The following CGN variants were observed in gnomAD, a reference collection of about 807,000 sequenced individuals.
CGN encodes the protein cingulin.
In CGN, 121 loss-of-function variants were observed where a neutral mutation model predicts 157.1. The ratio of observed to expected loss-of-function variants is 0.77; its 90% CI spans 0.66 to 0.90. The LOEUF is 0.90. CGN is among the 40% of genes least tolerant of loss of function. CGN has a pLI of 0.00. For missense variants in CGN, 1,424 were observed against 1,520.9 expected (o/e 0.94, Z 1.06); for synonymous variants, 535 against 607.5 (o/e 0.88, Z 1.76).
intron 5 of CGN, among the ~76,000 whole-genome samples, chr1:151,522,830 C>T (rs2102492295): frequency 6.6e-6 from 1 of 151,930 alleles, no homozygotes; most frequent in South Asian, 2.1e-4. Flanking sequence ...ACGAGAATTG[C>T]TTGAACCCGG....
intron 1 of CGN, among the ~76,000 whole-genome samples, chr1:151,513,637 A>C (rs1268909238): frequency 6.6e-6 from 1 of 151,854 alleles, no homozygotes; most frequent in Admixed American, 6.6e-5. Context: ...ACACACCCGA[A>C]ACCACCCCAC....
At chr1:151,537,173 C>T (rs749831098) in intron 20 of CGN, 32 bp from the exon 21 acceptor site, 1 of 1,591,128 alleles carries the variant, frequency 6.3e-7, no homozygotes, top group Non-Finnish European at 8.6e-7. Flanking sequence ...CTATTTTCCC[C>T]TCCCCAACCA....
chr1:151,518,224 A>G (rs1664454310), intron 1 of CGN, among the ~76,000 whole-genome samples: 1 of 152,208 alleles, frequency 6.6e-6, no homozygotes, highest in Admixed American at 6.5e-5. Flanking sequence ...CTTTTAGGTT[A>G]GTGAGTCTCA....
chr1:151,530,817 G>A (rs1664819680), intron 13 of CGN, 71 bp downstream of exon 13: 3 of 1,496,878 alleles, frequency 2.0e-6, no homozygotes, highest in East Asian at 2.5e-5. Flanking sequence ...GAGAGGACAG[G>A]GGCTTGGGGG....
At chr1:151,523,594 T>G in intron 6 of CGN, 33 bp downstream of exon 6, 1 of 1,566,350 alleles carries the variant, frequency 6.4e-7, no homozygotes, top group Non-Finnish European at 8.6e-7. Context: ...CTCGGGCTGC[T>G]TGGGGGCCTA....
In CGN at chr1:151,518,680, C is replaced by T. The variant is rs761194235; in HGVS notation, c.161C>T (p.Ala54Val). Reference protein sequence around the residue: ...KDARASTYGVAVRVQGIAGQP... With the variant: ...KDARASTYGVVVRVQGIAGQP... ...GCAAGAGCCAGTACCTACGGGGTTG[C>T]TGTGCGTGTGCAGGGAATCGCTGGG... Residue 54 changes from alanine (A) to valine (V), a missense_variant, in exon 2 of 21, where the codon GCT becomes GTT. Around this residue, in one of 3 missense-constraint regions of CGN, gnomAD observed 1,187 missense variants for 1,217.6 expected, o/e 0.97. Transcript: ENST00000271636. 1.9e-6 allele frequency: 3 copies of T among 1,614,140 alleles called. No individual in the cohort carries two copies. The highest frequency in any genetic ancestry group is 2.2e-5 in the South Asian group (2 of 91,080).
At chr1:151,534,628 A>G (rs1034235036) in intron 15 of CGN, 11 of 230,856 alleles carry the variant, frequency 4.8e-5, no homozygotes, top group Non-Finnish European at 7.7e-5. Flanking sequence ...GGTAAATCTG[A>G]TTTTCAGACT....
chr1:151,535,662 C>T lies in CGN; in HGVS notation c.3057C>T (p.Asp1019=). The change falls in exon 17 of 21, where the codon GAC becomes GAT. Residue 1019 remains aspartate (D), a synonymous_variant. Coordinates refer to ENST00000271636, the MANE Select transcript of CGN (RefSeq NM_020770.3). Reference sequence around the variant, plus strand: ...CTGCTCGGCAGGACCTGGAGTGTGACAAAATCTCCTTGGAGAGACAGGTGA... The same window carrying T: ...CTGCTCGGCAGGACCTGGAGTGTGATAAAATCTCCTTGGAGAGACAGGTGA... ...ERSARQDLEC[D]KISLERQNKD... 1 of 1,614,060 alleles carries T rather than the reference C, an allele frequency of 6.2e-7. No homozygotes were observed. The highest frequency in any genetic ancestry group is 8.5e-7 in the Non-Finnish European group (1 of 1,179,958).
intron 1 of CGN, among the ~76,000 whole-genome samples, chr1:151,516,565 A>G (rs1397377972): frequency 1.4e-5 from 2 of 142,004 alleles, no homozygotes; most frequent in African/African-American, 5.3e-5. Flanking sequence ...TTTTTGAGAT[A>G]GAGTTTCACT....
Position 151,525,744 on chromosome 1 carries a change from A to G in CGN, c.1717A>G (p.Ser573Gly). Residue 573 changes from serine (S) to glycine (G), a missense_variant, in exon 9 of 21, where the codon AGT (serine) becomes GGT (glycine). By Grantham distance (56) the Ser-to-Gly change is moderately conservative. Around this residue, in one of 3 missense-constraint regions of CGN, gnomAD observed 1,187 missense variants for 1,217.6 expected, o/e 0.97. Coordinates refer to ENST00000271636, the MANE Select transcript of CGN (RefSeq NM_020770.3). ...TTCAGAGGAGACAGGGCATTGGCAG[A>G]GTATGTTCCAGAAGAACAAGGAGGA... is the stretch of plus-strand genomic sequence containing the variant. ...ETSEETGHWQ[S>G]MFQKNKEDLR... The G allele has an allele frequency of 1.2e-6, 2 of 1,610,322 alleles. No homozygotes were observed. Among genetic ancestry groups the G allele is most frequent in the Non-Finnish European group, 1.7e-6 (2 of 1,178,038 alleles).
At position 151,537,295 on chromosome 1, in the gene CGN, G is replaced by A. The variant is rs538216134; in HGVS notation, c.3561G>A (p.Ser1187=). 6.8e-6 allele frequency: 11 copies of A among 1,613,954 alleles called. No individual in the cohort carries two copies. The highest frequency in any genetic ancestry group is 4.4e-5 in the South Asian group (4 of 91,070). The change falls in exon 21 of 21, where the codon TCG becomes TCA. Residue 1187 remains serine, a synonymous_variant. Transcript: ENST00000271636. ...AATTCGACAGTGTCTACGATCCCTC[G>A]TCCATTGCATCACTGCTTACGGAGA... The part of the protein sequence containing the change: ...DEEFDSVYDP[S]SIASLLTESN...
chr1:151,520,140 T>TTTTTCTTTTTC (rs1161319428), intron 2 of CGN, 26 bp from the exon 3 acceptor site: 3 of 1,541,452 alleles, frequency 1.9e-6, no homozygotes, highest in Non-Finnish European at 2.6e-6. Context: ...CTTTCTTTTT[T>TTTTTCTTTTTC]TTTTCTTTTT....
At chr1:151,534,179 T>TA (rs1664908798) in intron 15 of CGN, 43 bp downstream of exon 15, 1 of 1,527,112 alleles carries the variant, frequency 6.5e-7, no homozygotes, top group Non-Finnish European at 8.8e-7. Context: ...GGGTGGGACT[T>TA]CCAAGCCTCT....
chr1:151,534,133 C>G lies in CGN; in HGVS notation c.2901C>G (p.Leu967=). 1.9e-6 allele frequency: 3 copies of G among 1,581,252 alleles called. No homozygotes were observed. The highest frequency in any genetic ancestry group is 2.3e-5 in the East Asian group (1 of 43,046). Residue 967 remains leucine (L), a synonymous_variant, in exon 15 of 21, where the codon CTC becomes CTG. Transcript: ENST00000271636. ...ACAGGGCCCGGCAGCTGAAGGGTCT[C>G]GAGGTGAGGGCACTGAGGTGTGACC... The part of the protein sequence containing the change: ...QDDRARQLKG[L]EEKVSRLETE...
At chr1:151,529,667 C>G (rs1664784627) in intron 11 of CGN, 108 bp downstream of exon 11, 1 of 1,011,650 alleles carries the variant, frequency 9.9e-7, no homozygotes, top group Non-Finnish European at 1.5e-6. Context: ...TACTGACCAG[C>G]TCCTGGGTCC....
intron 6 of CGN, 128 bp downstream of exon 6, chr1:151,523,689 T>C: frequency 1.1e-6 from 1 of 918,978 alleles, no homozygotes; most frequent in Admixed American, 3.2e-5. Flanking sequence ...GGGGCAGTGT[T>C]GGTTTAAGGA....
At position 151,524,142 on chromosome 1, in the gene CGN, G is replaced by A. The variant is rs573214928; in HGVS notation, c.1269-84G>A. On this transcript the variant is annotated intron_variant, in intron 6 of 20. Coordinates refer to ENST00000271636, the MANE Select transcript of CGN (RefSeq NM_020770.3). The surrounding 1 kb of genome is among the most constrained non-coding windows in gnomAD (Gnocchi z 4.4). ...AGATTTGAAGGAAGGAAGTTTAAAT[G>A]CATTAATAAATATGAATTAAAATAT... 9 of 1,273,186 alleles carry A rather than the reference G, an allele frequency of 7.1e-6. No homozygotes were observed. The highest frequency in any genetic ancestry group is 9.8e-6 in the Non-Finnish European group (9 of 919,974). 78.9% of individuals were successfully genotyped at this position (1,273,186 alleles called of 1,614,324 possible). A position where few individuals can be genotyped will look rare whatever the true frequency, so the allele number is the denominator to read the frequency against.
Position 151,524,971 on chromosome 1 carries a change from A to G in CGN, c.1614+85A>G. On this transcript the variant is annotated intron_variant, in intron 8 of 20. Coordinates refer to ENST00000271636, the MANE Select transcript of CGN (RefSeq NM_020770.3). The surrounding 1 kb of genome is among the most constrained non-coding windows in gnomAD (Gnocchi z 4.4). ...GGGATCTTGGACTTTTGGACTTTTC[A>G]TGGTTGCAACTGGGAACTCCCCCTC... The G allele has an allele frequency of 8.6e-7, 1 of 1,159,338 alleles. No homozygotes were observed. The highest frequency in any genetic ancestry group is 1.2e-6 in the Non-Finnish European group (1 of 807,388). The allele number at this position is 1,159,338 out of a possible 1,614,324, so 71.8% of individuals were successfully genotyped here.
At chr1:151,513,640 C>T (rs1664348871) in intron 1 of CGN, among the ~76,000 whole-genome samples, 1 of 152,164 alleles carries the variant, frequency 6.6e-6, no homozygotes, top group Admixed American at 6.6e-5. Context: ...CACCCGAAAC[C>T]ACCCCACCCC....
Sources: gnomAD v4.1 joint callset for allele counts (sites outside exome capture counted in the v4.1 genomes callset) on GRCh38, gnomAD v4.1.1 for gene constraint, gnomAD v4.1.1 regional missense constraint, Gnocchi (gnomAD v3.1) non-coding constraint, MANE v1.5 for transcripts, NCBI Gene and HGNC (gene_info 2026-07-23, HGNC 2026-07-21) for gene names.